Variants in BTD observed in about 807,000 individuals in gnomAD.
BTD encodes biotinidase.
BTD carries 13 observed loss-of-function variants against 17.7 expected under a neutral mutation model. The ratio of observed to expected loss-of-function variants is 0.74; its 90% CI spans 0.48 to 1.17. The LOEUF is 1.17. BTD is among the 50% of genes most tolerant of loss of function. The pLI, the probability that BTD is intolerant of heterozygous loss-of-function variation, is 0.00. For missense variants in BTD, 674 were observed against 650.4 expected, an observed-to-expected ratio of 1.04 and a Z score of -0.39; for synonymous variants, 240 against 245.2, an observed-to-expected ratio of 0.98 and a Z score of 0.20.
At chr3:15,699,585 G>C (rs956673134) in intron 3 of BTD, among the ~76,000 whole-genome samples, 1 of 152,188 alleles carries the variant, frequency 6.6e-6, no homozygotes, top group African/African-American at 2.4e-5. Flanking sequence ...GATATGAACA[G>C]ACACTTCTCA....
In BTD at chr3:15,635,771, A is replaced by G; in HGVS notation, c.249+83A>G. On this transcript the variant is annotated intron_variant, in intron 2 of 3. Coordinates refer to ENST00000643237, the MANE Select transcript of BTD (RefSeq NM_001370658.1). This position sits in a 1 kb window ranked among gnomAD's most constrained non-coding sequence, Gnocchi z 4.1. ...CCTTGATCAGTGGTTGGGTAATCCC[A>G]GGCTTCCTACCACCCTCTGAAAAAG... 11 of 1,593,702 alleles carry G rather than the reference A, an allele frequency of 6.9e-6. No homozygotes were observed. The highest frequency in any genetic ancestry group is 9.4e-6 in the Non-Finnish European group (11 of 1,165,518).
At chr3:15,707,944 A>G (rs755244044) in intron 3 of BTD, 1 of 1,613,348 alleles carries the variant, frequency 6.2e-7, no homozygotes, top group Non-Finnish European at 8.5e-7. Context: ...TGTCTGATGT[A>G]GCTGCATAGT....
chr3:15,637,064 G>A (rs2065368929), intron 2 of BTD, among the ~76,000 whole-genome samples: 1 of 152,138 alleles, frequency 6.6e-6, no homozygotes. Flanking sequence ...TATCGTCAGA[G>A]CTAAAGGGAG....
intron 3 of BTD, among the ~76,000 whole-genome samples, chr3:15,702,816 A>AG (rs1369994888): frequency 6.7e-6 from 1 of 149,846 alleles, no homozygotes; most frequent in Non-Finnish European, 1.5e-5. Context: ...AGTTCTTACC[A>AG]CCCCCCACCA....
At chr3:15,717,707 G>T (rs2073234100), downstream of BTD, among the ~76,000 whole-genome samples, 1 of 152,096 alleles carries the variant, frequency 6.6e-6, no homozygotes, top group Admixed American at 6.5e-5. Context: ...TATTCTTAAA[G>T]AACAATGTGG....
chr3:15,641,856 G>A (rs1338705864), intron 2 of BTD, 52 bp from the exon 3 acceptor site: 5 of 1,319,768 alleles, frequency 3.8e-6, no homozygotes, highest in South Asian at 3.7e-5. Context: ...TGAATGCAGC[G>A]GTTCTTCCTG....
At chr3:15,602,208 C>T in intron 1 of BTD, 1 of 1,366,774 alleles carries the variant, frequency 7.3e-7, no homozygotes, top group East Asian at 2.8e-5. Context: ...GATAAAATGA[C>T]GCTCAGAGTC....
chr3:15,676,106 C>T (rs1017680320), intron 3 of BTD: 15 of 707,910 alleles, frequency 2.1e-5, no homozygotes, highest in South Asian at 6.6e-5. Flanking sequence ...GGTACAAACT[C>T]GAGAAACCTA....
At chr3:15,712,892 C>T (rs746973672), downstream of BTD, among the ~76,000 whole-genome samples, 3 of 151,910 alleles carry the variant, frequency 2.0e-5, no homozygotes, top group African/African-American at 4.8e-5. Context: ...AGGTGCAGTA[C>T]CATACCATTA....
chr3:15,693,405 A>C lies in BTD; in HGVS notation c.400-16655A>C, dbSNP rs377647729. Reference sequence around the variant, plus strand: ...GTTAACTTGCAAGCACAAAAAGAGAAACTTGCCAAATTGAAGGGTGGGGTA... The same window carrying C: ...GTTAACTTGCAAGCACAAAAAGAGACACTTGCCAAATTGAAGGGTGGGGTA... On this transcript the variant is annotated intron_variant, in intron 3 of 3. Coordinates refer to the BTD transcript ENST00000672141. Among the ~76,000 whole-genome samples the C allele has an allele frequency of 5.5e-3, 352 of 63,586 alleles. 1 individual carries two copies. Among genetic ancestry groups the C allele is most frequent in the African/African-American group, 0.021 (338 of 15,856 alleles). 41.7% of individuals were successfully genotyped at this position (63,586 alleles called of 152,430 possible).
At chr3:15,672,155 T>A (rs1200890525) in intron 3 of BTD, among the ~76,000 whole-genome samples, 1 of 151,882 alleles carries the variant, frequency 6.6e-6, no homozygotes, top group Non-Finnish European at 1.5e-5. Flanking sequence ...GATTTTTTTT[T>A]TTTTTTTTGA....
chr3:15,685,606 T>C (rs1195383359), intron 3 of BTD, among the ~76,000 whole-genome samples: 1 of 152,208 alleles, frequency 6.6e-6, no homozygotes, highest in Admixed American at 6.5e-5. Context: ...TTGGAAGTGG[T>C]TTAAAAATTC....
At chr3:15,702,831 AC>A (rs2070808292) in intron 3 of BTD, among the ~76,000 whole-genome samples, 1 of 86,178 alleles carries the variant, frequency 1.2e-5, no homozygotes, top group South Asian at 3.3e-4. Context: ...CCACCACCCC[AC>A]CCCTGGCCCA....
intron 3 of BTD, among the ~76,000 whole-genome samples, chr3:15,688,693 T>G (rs1213034118): frequency 1.3e-5 from 2 of 152,214 alleles, no homozygotes; most frequent in African/African-American, 4.8e-5. Flanking sequence ...TCAAATGTAT[T>G]CTTAAGGATC....
chr3:15,684,224 A>C (rs2067855754), intron 3 of BTD: 1 of 152,228 alleles, frequency 6.6e-6, no homozygotes, highest in Admixed American at 6.5e-5. Context: ...AAATTATTTT[A>C]ATTAGTGGCA....
At chr3:15,659,981 A>T (rs2125540155) in intron 3 of BTD, among the ~76,000 whole-genome samples, 1 of 152,344 alleles carries the variant, frequency 6.6e-6, no homozygotes, top group South Asian at 2.1e-4. Context: ...ACTGTTTATT[A>T]TTTCATTTAA....
rs139793133 is a variant in BTD, at chr3:15,703,841, A to G, written c.400-6219A>G. Among the ~76,000 whole-genome samples the G allele has an allele frequency of 1.2e-4, 19 of 152,350 alleles. No homozygotes were observed. The East Asian group carries it at 3.1e-3, about 25-fold the overall frequency. On this transcript the variant is annotated intron_variant, in intron 3 of 3. Transcript: ENST00000672141. ...CCCATAAAATATTTTAAAAAATTAT[A>G]TATGATATAGAAAAGGCTTTATAAC...
At chr3:15,614,701 A>G (rs1321819387) in intron 1 of BTD, among the ~76,000 whole-genome samples, 5 of 151,236 alleles carry the variant, frequency 3.3e-5, no homozygotes, top group African/African-American at 7.3e-5. Context: ...AGCTCAAGCA[A>G]TCGCCCTACC....
At chr3:15,703,227 T>C (rs534459094) in intron 3 of BTD, among the ~76,000 whole-genome samples, 3 of 152,292 alleles carry the variant, frequency 2.0e-5, no homozygotes, top group African/African-American at 7.2e-5. Flanking sequence ...ACAAAACCTC[T>C]ACACACAAAA....
Sources: allele counts gnomAD v4.1 joint callset (sites outside exome capture counted in the v4.1 genomes callset), GRCh38; gene constraint gnomAD v4.1.1; non-coding constraint Gnocchi (gnomAD v3.1); transcripts MANE v1.5; gene names NCBI Gene and HGNC (gene_info 2026-07-23, HGNC 2026-07-21).